Variants in KLK7 observed in about 807,000 individuals in gnomAD.
KLK7 encodes the protein kallikrein related peptidase 7.
Under a neutral mutation model 21.0 loss-of-function variants are expected in KLK7, and 17 were observed. That is an observed-to-expected ratio of 0.81 (90% confidence interval 0.55 to 1.21). The LOEUF (loss-of-function observed/expected upper bound fraction) is 1.21, where lower values mean the gene tolerates loss of function less well. Among genes scored for constraint, KLK7 ranks in the 50% most tolerant of loss-of-function variants. The pLI is 0.00. For synonymous variants in KLK7, 151 were observed against 134.6 expected (o/e 1.12, Z -0.85); for missense variants, 330 against 322.8 (o/e 1.02, Z -0.17).
In KLK7 at chr19:50,977,415, AGGTT is replaced by A. The variant is rs59354651; in HGVS notation, c.*117_*120del. 0.67 allele frequency: 628,037 copies of A among 942,128 alleles called. 209,729 individuals carry two copies. The highest frequency in any genetic ancestry group is 0.81 in the Middle Eastern group (3,516 of 4,352). 58.4% of individuals were successfully genotyped at this position (942,128 alleles called of 1,614,324 possible). ...TTGATTGGTTTATCAACAGGGCATG[AGGTT>A]GGTTTAAATATATCTTTGAGGAAAG... is the stretch of plus-strand genomic sequence containing the variant. On this transcript the variant is annotated 3_prime_UTR_variant, in exon 6 of 6. Coordinates refer to ENST00000595820, the MANE Select transcript of KLK7 (RefSeq NM_005046.4).
intron 5 of KLK7, among the ~76,000 whole-genome samples, chr19:50,978,618 A>AGG (rs148672932): frequency 5.0e-5 from 3 of 59,560 alleles, no homozygotes; most frequent in East Asian, 6.2e-4. Context: ...ACAAAGAGAA[A>AGG]GGGGGGGAAG....
In KLK7 at chr19:50,981,907, A is replaced by G. The variant is rs768666468; in HGVS notation, c.81T>C (p.Gly27=). 131 of 1,612,470 alleles carry G rather than the reference A, an allele frequency of 8.1e-5. No homozygotes were observed. The highest frequency in any genetic ancestry group is 1.0e-4 in the Non-Finnish European group (123 of 1,179,570). The change falls in exon 3 of 6, where the codon GGT becomes GGC. Residue 27 remains glycine (G), a synonymous_variant. Coordinates refer to ENST00000595820, the MANE Select transcript of KLK7 (RefSeq NM_005046.4). ...ALETAGEEAQ[G]DKIIDGAPCA... is the part of the protein sequence containing the mutation. ...ATGGGGCGCCATCAATAATCTTGTCACCCTGGGCTGGATGGAGACATGGAG... is the reference window on the plus strand; with the variant it reads ...ATGGGGCGCCATCAATAATCTTGTCGCCCTGGGCTGGATGGAGACATGGAG...
chr19:50,982,023 G>A lies in KLK7; in HGVS notation c.74-109C>T, dbSNP rs949061609. ...GATGGACAGAGACAGATGAAAATGT[G>A]TGGAGAAATACAGAGAAAGCAAGAG... On this transcript the variant is annotated intron_variant, in intron 2 of 5. Transcript: ENST00000595820. 3.3e-6 allele frequency: 4 copies of A among 1,221,784 alleles called. No individual in the cohort carries two copies. In the African/African-American group the frequency reaches 4.5e-5, roughly 14 times the overall value. The allele number at this position is 1,221,784 out of a possible 1,614,324, so 75.7% of individuals were successfully genotyped here.
At chr19:50,978,899 G>A (rs2091056036) in intron 5 of KLK7, among the ~76,000 whole-genome samples, 1 of 103,542 alleles carries the variant, frequency 9.7e-6, no homozygotes, top group Admixed American at 9.1e-5. Context: ...GAGCAGGGGG[G>A]CAGGGAGAGG....
At chr19:50,979,655 A>G in intron 5 of KLK7, 133 bp downstream of exon 5, 1 of 839,152 alleles carries the variant, frequency 1.2e-6, no homozygotes, top group Non-Finnish European at 1.8e-6. Flanking sequence ...TGAGGTGGAA[A>G]AAGCTGAGGA....
chr19:50,980,730 G>T (rs1242154169), intron 3 of KLK7, among the ~76,000 whole-genome samples: 1 of 86,876 alleles, frequency 1.2e-5, no homozygotes, highest in Non-Finnish European at 2.3e-5. Context: ...AGAGAGAGGA[G>T]GGGGGAGAGA....
intron 2 of KLK7, 173 bp from the exon 3 acceptor site, chr19:50,982,087 C>T (rs1012655476): frequency 7.0e-5 from 60 of 853,374 alleles, no homozygotes; most frequent in Non-Finnish European, 9.9e-5. Flanking sequence ...CACTCAGAAA[C>T]CCAGGAGGCG....
chr19:50,983,439 TC>T (rs1210365247), intron 1 of KLK7, among the ~76,000 whole-genome samples: 1 of 95,212 alleles, frequency 1.1e-5, no homozygotes, highest in Admixed American at 1.2e-4. Flanking sequence ...CAGCCCCTCC[TC>T]CCTCAGACCC....
At chr19:50,979,969 G>T in intron 4 of KLK7, 45 bp from the exon 5 acceptor site, 2 of 1,565,854 alleles carry the variant, frequency 1.3e-6, no homozygotes, top group Admixed American at 1.9e-5. Flanking sequence ...GAGGATGGGG[G>T]CGAGGACCAG....
intron 1 of KLK7, 43 bp from the exon 2 acceptor site, chr19:50,982,500 G>A (rs1162791778): frequency 6.8e-7 from 1 of 1,479,744 alleles, no homozygotes. Flanking sequence ...TCCCCACTCA[G>A]ACCCAGGGGT....
At chr19:50,977,858 G>T (rs1161849550) in intron 5 of KLK7, among the ~76,000 whole-genome samples, 167 bp from the exon 6 acceptor site, 2 of 152,162 alleles carry the variant, frequency 1.3e-5, no homozygotes, top group Non-Finnish European at 2.9e-5. Flanking sequence ...CTAGTGCTAG[G>T]GACACACTAG....
intron 5 of KLK7, among the ~76,000 whole-genome samples, chr19:50,978,807 A>G (rs1330639762): frequency 1.4e-5 from 2 of 138,388 alleles, no homozygotes; most frequent in African/African-American, 5.4e-5. Flanking sequence ...TGAGGGAGAG[A>G]GATGAAGAGA....
chr19:50,984,053 G>T, upstream of KLK7: 1 of 576,966 alleles, frequency 1.7e-6, no homozygotes, highest in Non-Finnish European at 2.8e-6. Flanking sequence ...CCCTGACGCA[G>T]CGAGAGCAAT....
chr19:50,977,376 A>T lies in KLK7; in HGVS notation c.*160T>A. The T allele has an allele frequency of 1.4e-6, 1 of 693,324 alleles. No homozygotes were observed. The highest frequency in any genetic ancestry group is 2.4e-6 in the Non-Finnish European group (1 of 411,610). The allele number at this position is 693,324 out of a possible 1,614,324, so 42.9% of individuals were successfully genotyped here. On this transcript the variant is annotated 3_prime_UTR_variant, in exon 6 of 6. Coordinates refer to ENST00000595820, the MANE Select transcript of KLK7 (RefSeq NM_005046.4). ...GTGTTTCTTTATTTGTTTTGGTTTTAGGTCTTTACCAATTTGATTGGTTTA... is the reference window on the plus strand; with the variant it reads ...GTGTTTCTTTATTTGTTTTGGTTTTTGGTCTTTACCAATTTGATTGGTTTA...
At chr19:50,983,614 C>G (rs2091109011) in intron 1 of KLK7, among the ~76,000 whole-genome samples, 1 of 152,202 alleles carries the variant, frequency 6.6e-6, no homozygotes, top group Non-Finnish European at 1.5e-5. Flanking sequence ...TCCTGTTCTT[C>G]AGATCCCTAG....
In KLK7 at chr19:50,980,303, G is replaced by T. The variant is rs757311112; in HGVS notation, c.406C>A (p.Arg136Ser). Residue 136 changes from arginine (R) to serine (S), a missense_variant, in exon 4 of 6, where the codon CGC becomes AGC. Coordinates refer to ENST00000595820, the MANE Select transcript of KLK7 (RefSeq NM_005046.4). The part of the protein sequence containing the change: ...SMVKKVRLPS[R>S]CEPPGTTCTV... ...CAGGTGGTTCCAGGGGGTTCGCAGC[G>T]GGAGGGCAGCCTGACTTTCTTCACC... The T allele has an allele frequency of 1.5e-5, 24 of 1,613,938 alleles. No individual in the cohort carries two copies. The highest frequency in any genetic ancestry group is 3.3e-5 in the Admixed American group (2 of 59,992).
chr19:50,981,597 A>AGAGAGGGGGACAGAGCCCCAGG (rs2091089224), intron 3 of KLK7, among the ~76,000 whole-genome samples, 170 bp downstream of exon 3: 1 of 136,778 alleles, frequency 7.3e-6, no homozygotes, highest in African/African-American at 2.7e-5. Context: ...AGAGCCAGGG[A>AGAGAGGGGGACAGAGCCCCAGG]GAGAGGGGGA....
chr19:50,977,464 C>T lies in KLK7; in HGVS notation c.*72G>A. On this transcript the variant is annotated 3_prime_UTR_variant, in exon 6 of 6. Coordinates refer to ENST00000595820, the MANE Select transcript of KLK7 (RefSeq NM_005046.4). ...GGAAAGGTAAAGTCAAATTTGACTT[C>T]ATAGGTCATCGGCGTCCTCACTCCT... 3 of 1,451,834 alleles carry T rather than the reference C, an allele frequency of 2.1e-6. No homozygotes were observed. The highest frequency in any genetic ancestry group is 2.9e-6 in the Non-Finnish European group (3 of 1,038,992). The allele number at this position is 1,451,834 out of a possible 1,614,324, so 89.9% of individuals were successfully genotyped here. A position where few individuals can be genotyped will look rare whatever the true frequency, so the allele number is the denominator to read the frequency against.
rs756837497 is a variant in KLK7, at chr19:50,979,854, G to A, written c.540C>T (p.Tyr180=). The A allele has an allele frequency of 6.3e-7, 1 of 1,585,064 alleles. No homozygotes were observed. Among genetic ancestry groups the A allele is most frequent in the East Asian group, 2.3e-5 (1 of 43,896 alleles). The stretch of plus-strand genomic sequence containing the variant: ...GCATGGAATTTTCCAGTAAGTCCTT[G>A]TAAACCTTCGTGCAGTCCTGGGGGG... The part of the protein sequence containing the change: ...LISPQDCTKV[Y]KDLLENSMLC... Residue 180 remains tyrosine, a synonymous_variant, in exon 5 of 6, where the codon TAC becomes TAT. Coordinates refer to ENST00000595820, the MANE Select transcript of KLK7 (RefSeq NM_005046.4).
Sources: allele counts gnomAD v4.1 joint callset (sites outside exome capture counted in the v4.1 genomes callset), GRCh38; gene constraint gnomAD v4.1.1; transcripts MANE v1.5; gene names NCBI Gene and HGNC (gene_info 2026-07-23, HGNC 2026-07-21).